Variants in PKNOX2 observed in about 807,000 individuals in gnomAD.
The protein encoded by PKNOX2 is homeobox protein PKNOX2.
A neutral mutation model predicts 53.1 loss-of-function variants in PKNOX2; 14 were observed. That is an observed-to-expected ratio of 0.26 (90% CI 0.17 to 0.41). The LOEUF is 0.41. Ranked by LOEUF, PKNOX2 falls within the 10% of genes least tolerant of loss-of-function variation. The probability of loss-of-function intolerance (pLI) is 1.00; values close to 1 mark genes in which losing one functional copy is unlikely to be tolerated. For missense variants in PKNOX2, 496 were observed against 602.8 expected, an observed-to-expected ratio of 0.82 and a Z score of 1.85; for synonymous variants, 257 against 242.8, an observed-to-expected ratio of 1.06 and a Z score of -0.54.
intron 1 of PKNOX2, among the ~76,000 whole-genome samples, chr11:125,191,970 A>C (rs1215978373): frequency 6.6e-6 from 1 of 152,174 alleles, no homozygotes; most frequent in East Asian, 1.9e-4. Flanking sequence ...GTTAAAACAC[A>C]ATGGAAAGTG....
chr11:125,387,916 G>C (rs76143096), intron 6 of PKNOX2, among the ~76,000 whole-genome samples: 11,772 of 152,088 alleles, frequency 0.077, 670 homozygotes, highest in African/African-American at 0.16. Context: ...TTGAAGCTCG[G>C]TTTCCTCATC....
At chr11:125,425,784 C>T (rs140692984) in intron 10 of PKNOX2, among the ~76,000 whole-genome samples, 403 of 152,332 alleles carry the variant, frequency 2.6e-3, no homozygotes, top group Non-Finnish European at 4.1e-3. Flanking sequence ...TGGTCTGAGG[C>T]GTGTACGAGC....
chr11:125,395,481 T>G (rs112355750), intron 6 of PKNOX2, among the ~76,000 whole-genome samples: 1 of 152,198 alleles, frequency 6.6e-6, no homozygotes, highest in African/African-American at 2.4e-5. Context: ...ATATTTAGTT[T>G]TGTAAGAAAT....
chr11:125,363,650 G>T (rs540656591), intron 4 of PKNOX2, among the ~76,000 whole-genome samples: 48 of 152,304 alleles, frequency 3.2e-4, no homozygotes, highest in African/African-American at 1.1e-3. Flanking sequence ...TCTCCAGAGT[G>T]CTCTGAGGGC....
chr11:125,222,566 A>G (rs1340650018), intron 1 of PKNOX2, among the ~76,000 whole-genome samples: 1 of 151,110 alleles, frequency 6.6e-6, no homozygotes, highest in East Asian at 2.0e-4. Flanking sequence ...TCAAGCACCT[A>G]ATGTGTAATA....
intron 2 of PKNOX2, among the ~76,000 whole-genome samples, chr11:125,236,227 G>T (rs940557249): frequency 6.6e-6 from 1 of 152,164 alleles, no homozygotes; most frequent in African/African-American, 2.4e-5. Context: ...CTAATGGCCT[G>T]CGATTCAGCG....
intron 7 of PKNOX2, among the ~76,000 whole-genome samples, chr11:125,405,882 T>C (rs1161622451): frequency 6.6e-6 from 1 of 152,158 alleles, no homozygotes; most frequent in Non-Finnish European, 1.5e-5. Flanking sequence ...TTCCAGAGGC[T>C]TGGGGACACC....
chr11:125,248,720 A>G (rs1943749034), intron 2 of PKNOX2, among the ~76,000 whole-genome samples: 1 of 148,240 alleles, frequency 6.7e-6, no homozygotes, highest in South Asian at 2.1e-4. Context: ...CATTTATATT[A>G]TATGTTATAA....
chr11:125,335,533 C>T (rs751990021), intron 3 of PKNOX2, among the ~76,000 whole-genome samples: 4 of 152,216 alleles, frequency 2.6e-5, no homozygotes, highest in Non-Finnish European at 4.4e-5. Context: ...GTGTAGAAAG[C>T]TGTTCATCTC....
At chr11:125,178,200 G>A (rs1000987301) in intron 1 of PKNOX2, among the ~76,000 whole-genome samples, 1 of 152,066 alleles carries the variant, frequency 6.6e-6, no homozygotes, top group African/African-American at 2.4e-5. Context: ...GGCCACACAG[G>A]AAATCAGTGG....
intron 2 of PKNOX2, among the ~76,000 whole-genome samples, chr11:125,323,463 G>T (rs760825503): frequency 3.9e-5 from 6 of 152,262 alleles, no homozygotes; most frequent in Non-Finnish European, 8.8e-5. Context: ...TGAAACCTCT[G>T]CAAGGCACAA....
chr11:125,197,100 T>C (rs1937795934), intron 1 of PKNOX2, among the ~76,000 whole-genome samples: 1 of 152,242 alleles, frequency 6.6e-6, no homozygotes, highest in Non-Finnish European at 1.5e-5. Flanking sequence ...GCTGCTGCTG[T>C]TGGAGTCGGC....
At chr11:125,397,004 T>C (rs1954449883) in intron 6 of PKNOX2, among the ~76,000 whole-genome samples, 2 of 152,352 alleles carry the variant, frequency 1.3e-5, no homozygotes, top group Middle Eastern at 3.4e-3. Flanking sequence ...TTAAGGCGAT[T>C]GGATCGAAGA....
At chr11:125,409,210 A>G (rs554992144) in intron 7 of PKNOX2, among the ~76,000 whole-genome samples, 1 of 151,938 alleles carries the variant, frequency 6.6e-6, no homozygotes, top group Non-Finnish European at 1.5e-5. Context: ...CTCTCCAAGC[A>G]CCCAGCCTCC....
chr11:125,165,088 C>T lies in PKNOX2; in HGVS notation c.-201+312C>T, dbSNP rs958152159. On this transcript the variant is annotated intron_variant, in intron 1 of 12. Transcript: ENST00000298282. This position sits in a 1 kb window ranked among gnomAD's most constrained non-coding sequence, Gnocchi z 4.5. ...CAGCGCGAGGGGCGGCGAGGCCGGG[C>T]ACGGAGGCTGCGAGAGCCCCGCGGG... is the stretch of plus-strand genomic sequence containing the variant. Among the ~76,000 whole-genome samples the T allele has an allele frequency of 6.7e-6, 1 of 149,746 alleles. No homozygotes were observed. The highest frequency in any genetic ancestry group is 2.4e-5 in the African/African-American group (1 of 41,152).
At chr11:125,421,669 C>T (rs938468412) in intron 10 of PKNOX2, among the ~76,000 whole-genome samples, 1 of 152,252 alleles carries the variant, frequency 6.6e-6, no homozygotes, top group African/African-American at 2.4e-5. Context: ...GAAACACCTT[C>T]CTACCCGTCA....
At chr11:125,306,643 G>A (rs1054869464) in intron 2 of PKNOX2, among the ~76,000 whole-genome samples, 5 of 152,134 alleles carry the variant, frequency 3.3e-5, no homozygotes, top group Non-Finnish European at 7.4e-5. Context: ...ACGTTCCTTC[G>A]AGCAAATGTT....
At chr11:125,416,302 CAAAAAAA>C (rs61354494) in intron 10 of PKNOX2, among the ~76,000 whole-genome samples, 4 of 70,458 alleles carry the variant, frequency 5.7e-5, no homozygotes, top group South Asian at 6.1e-4. Context: ...GACGCCGTCT[CAAAAAAA>C]AAAAAAAAAA....
At chr11:125,249,282 A>G (rs1339103416) in intron 2 of PKNOX2, among the ~76,000 whole-genome samples, 1 of 152,070 alleles carries the variant, frequency 6.6e-6, no homozygotes, top group East Asian at 1.9e-4. Context: ...AGAATCTTTT[A>G]AAGTTTTAAA....
Sources: allele counts gnomAD v4.1 joint callset (sites outside exome capture counted in the v4.1 genomes callset), GRCh38; gene constraint gnomAD v4.1.1; non-coding constraint Gnocchi (gnomAD v3.1); transcripts MANE v1.5; gene names NCBI Gene and HGNC (gene_info 2026-07-23, HGNC 2026-07-21).